The following TNR variants were observed in gnomAD, a reference collection of about 807,000 sequenced individuals.
TNR encodes the protein tenascin-R.
Under a neutral mutation model 150.4 loss-of-function variants are expected in TNR, and 45 were observed. The observed-to-expected ratio is 0.30, with a 90% CI of 0.24 to 0.38. The LOEUF is 0.38. TNR is among the 10% of genes least tolerant of loss of function. The pLI is 1.00. For missense variants in TNR, 1,544 were observed against 1,759.1 expected (o/e 0.88, Z 2.19); for synonymous variants, 687 against 678.4 (o/e 1.01, Z -0.20).
chr1:175,711,655 C>CGG (rs1448109194), intron 1 of TNR, among the ~76,000 whole-genome samples: 1 of 152,106 alleles, frequency 6.6e-6, no homozygotes, highest in Non-Finnish European at 1.5e-5. Flanking sequence ...GGACTGTGGC[C>CGG]GGGCCCAGGA....
At chr1:175,530,822 T>C (rs933604540) in intron 1 of TNR, among the ~76,000 whole-genome samples, 3 of 152,156 alleles carry the variant, frequency 2.0e-5, no homozygotes, top group Non-Finnish European at 2.9e-5. Context: ...AGTACATCCT[T>C]TTAGACTTCC....
At chr1:175,512,012 G>A (rs921617358) in intron 2 of TNR, among the ~76,000 whole-genome samples, 1 of 152,192 alleles carries the variant, frequency 6.6e-6, no homozygotes, top group Non-Finnish European at 1.5e-5. Flanking sequence ...GCTATAGGAT[G>A]ATTGAGATAG....
chr1:175,366,123 C>T lies in TNR; in HGVS notation c.2069G>A (p.Arg690Gln), dbSNP rs749424178. Residue 690 changes from arginine (R) to glutamine (Q), a missense_variant, in exon 11 of 23, where the codon CGA becomes CAA. Arg to Gln is a conservative substitution (Grantham distance 43). This residue lies in a region of TNR where 1,254 missense variants were observed against 1,329.4 expected (regional missense o/e 0.94). Coordinates refer to ENST00000367674, the MANE Select transcript of TNR (RefSeq NM_003285.3). ...CGAGGAGGCTGTCACCATGAGGTCT[C>T]GGGGACTGTCAAGTTCTGTGGATTG... ...MNARTELDSP[R>Q]DLMVTASSET... 1.5e-5 allele frequency: 24 copies of T among 1,606,910 alleles called. No homozygotes were observed. The highest frequency in any genetic ancestry group is 6.7e-5 in the African/African-American group (5 of 74,724).
intron 1 of TNR, among the ~76,000 whole-genome samples, chr1:175,568,440 C>T (rs1316192874): frequency 6.6e-6 from 1 of 152,182 alleles, no homozygotes; most frequent in African/African-American, 2.4e-5. Context: ...ATAGCTCCAT[C>T]CCTTCCCATA....
intron 1 of TNR, among the ~76,000 whole-genome samples, chr1:175,541,912 C>A (rs1376910592): frequency 6.6e-6 from 1 of 152,144 alleles, no homozygotes; most frequent in African/African-American, 2.4e-5. Flanking sequence ...CCACATTTGT[C>A]CTACCGAGAT....
In TNR at chr1:175,323,246, A is replaced by G; in HGVS notation, c.*111T>C. 5 of 1,394,146 alleles carry G rather than the reference A, an allele frequency of 3.6e-6. No individual in the cohort carries two copies. The highest frequency in any genetic ancestry group is 4.9e-6 in the Non-Finnish European group (5 of 1,027,988). The allele number at this position is 1,394,146 out of a possible 1,614,324, so 86.4% of individuals were successfully genotyped here. On this transcript the variant is annotated 3_prime_UTR_variant, in exon 23 of 23. Transcript: ENST00000367674. ...CCTGCGACATCCCTGCTTCCTTCAC[A>G]TACTCTTAATATGTTGCAAAACACA...
intron 2 of TNR, among the ~76,000 whole-genome samples, chr1:175,410,256 G>A (rs1016499454): frequency 2.6e-5 from 4 of 152,134 alleles, no homozygotes; most frequent in African/African-American, 9.7e-5. Flanking sequence ...AAGTAGTGGG[G>A]GCCAGGTCAT....
chr1:175,323,544 G>A, intron 22 of TNR, 68 bp from the exon 23 acceptor site: 3 of 1,583,758 alleles, frequency 1.9e-6, no homozygotes, highest in South Asian at 1.2e-5. Flanking sequence ...CAAAAAAGGG[G>A]TAATTATGGG....
chr1:175,694,495 C>T (rs2101920946), intron 1 of TNR, among the ~76,000 whole-genome samples: 1 of 152,284 alleles, frequency 6.6e-6, no homozygotes, highest in East Asian at 1.9e-4. Flanking sequence ...CACATTGCAA[C>T]CAGAGGAAAT....
intron 1 of TNR, among the ~76,000 whole-genome samples, chr1:175,563,400 G>A (rs1338071174): frequency 6.6e-6 from 1 of 152,160 alleles, no homozygotes; most frequent in Non-Finnish European, 1.5e-5. Context: ...CAATCCCCAC[G>A]AAAGCACTTC....
In TNR at chr1:175,365,933, G is replaced by A. The variant is rs549333643; in HGVS notation, c.2259C>T (p.Ser753=). ...DLEPGAEYII[S]VTAERGRQQS... ...GCTGCCGACCCCTCTCAGCAGTGAC[G>A]GAAATGATGTACTCTGCCCCAGGCT... Residue 753 remains serine (S), a synonymous_variant, in exon 11 of 23, where the codon TCC becomes TCT. Transcript: ENST00000367674. 1.2e-5 allele frequency: 19 copies of A among 1,614,056 alleles called. No homozygotes were observed. The highest frequency in any genetic ancestry group is 4.5e-5 in the East Asian group (2 of 44,882).
chr1:175,491,369 A>G (rs1261565607), intron 2 of TNR, among the ~76,000 whole-genome samples: 1 of 152,216 alleles, frequency 6.6e-6, no homozygotes, highest in East Asian at 1.9e-4. Flanking sequence ...GTACCCCTGA[A>G]CTTAAAATAA....
intron 9 of TNR, among the ~76,000 whole-genome samples, chr1:175,368,948 C>CA (rs1476087127): frequency 6.6e-6 from 1 of 151,700 alleles, no homozygotes; most frequent in Non-Finnish European, 1.5e-5. Flanking sequence ...GACTCTGTAT[C>CA]AAAAAAACAA....
At chr1:175,638,404 C>T (rs151055695) in intron 1 of TNR, among the ~76,000 whole-genome samples, 149 of 152,336 alleles carry the variant, frequency 9.8e-4, no homozygotes, top group Middle Eastern at 6.8e-3. Context: ...CTCTCTCATT[C>T]ATGGATTAGG....
intron 1 of TNR, among the ~76,000 whole-genome samples, chr1:175,574,586 T>TAC (rs376373972): frequency 0.036 from 5,437 of 151,260 alleles, 334 homozygotes; most frequent in African/African-American, 0.12. Context: ...CACTTGTACA[T>TAC]ACACACACAC....
intron 2 of TNR, among the ~76,000 whole-genome samples, chr1:175,412,674 A>T (rs541676983): frequency 5.3e-5 from 8 of 152,064 alleles, no homozygotes; most frequent in South Asian, 2.1e-4. Context: ...CACCCAAGGG[A>T]TGGATGATAA....
chr1:175,583,540 T>C (rs966839179), intron 1 of TNR, among the ~76,000 whole-genome samples: 1 of 152,142 alleles, frequency 6.6e-6, no homozygotes, highest in Non-Finnish European at 1.5e-5. Context: ...AACAGGGGGC[T>C]AGCAGGTCTA....
At chr1:175,355,390 T>C (rs933613608) in intron 17 of TNR, 113 bp downstream of exon 17, 29 of 1,427,712 alleles carry the variant, frequency 2.0e-5, no homozygotes, top group Admixed American at 9.7e-5. Context: ...GAGCAATCCT[T>C]GTGGATTGCT....
At chr1:175,330,769 G>A (rs1414003102) in intron 20 of TNR, among the ~76,000 whole-genome samples, 1 of 152,196 alleles carries the variant, frequency 6.6e-6, no homozygotes, top group Non-Finnish European at 1.5e-5. Context: ...GGGCTCCATA[G>A]CCAGGTCATA....
Sources: allele counts gnomAD v4.1 joint callset (sites outside exome capture counted in the v4.1 genomes callset), GRCh38; gene constraint gnomAD v4.1.1; regional missense constraint gnomAD v4.1.1; transcripts MANE v1.5; gene names NCBI Gene and HGNC (gene_info 2026-07-23, HGNC 2026-07-21).